Variants in SGO2 observed in about 807,000 individuals in gnomAD.
SGO2 encodes shugoshin 2, also known as shugoshin-like 2.
A neutral mutation model predicts 99.5 loss-of-function variants in SGO2; 68 were observed. The ratio of observed to expected loss-of-function variants is 0.68; its 90% confidence interval spans 0.56 to 0.84. The LOEUF is 0.84. Ranked by LOEUF, SGO2 falls within the 40% of genes least tolerant of loss-of-function variation. The pLI is 0.00. For synonymous variants in SGO2, 457 were observed against 487.1 expected (o/e 0.94, Z 0.81); for missense variants, 1,350 against 1,436.7 (o/e 0.94, Z 0.97).
At chr2:200,566,028 G>T (rs1294147959) in intron 5 of SGO2, among the ~76,000 whole-genome samples, 2 of 152,168 alleles carry the variant, frequency 1.3e-5, no homozygotes, top group Non-Finnish European at 2.9e-5. Flanking sequence ...TTAGCTCGGA[G>T]AAGTTTGTTA....
In SGO2 at chr2:200,567,573, A is replaced by G. The variant is rs191226282; in HGVS notation, c.474-2090A>G. ...CCCTGTTCATTTCTAAAATATTTCA[A>G]TCTCTAAAAGGGAATCTCATATCTA... On this transcript the variant is annotated intron_variant, in intron 5 of 8. Coordinates refer to ENST00000357799, the MANE Select transcript of SGO2 (RefSeq NM_152524.6). Among the ~76,000 whole-genome samples the G allele has an allele frequency of 9.2e-5, 14 of 152,238 alleles. No individual in the cohort carries two copies. The South Asian group carries it at 1.0e-3, about 11-fold the overall frequency.
intron 5 of SGO2, among the ~76,000 whole-genome samples, chr2:200,545,881 G>A (rs899622766): frequency 1.4e-4 from 21 of 152,280 alleles, no homozygotes; most frequent in African/African-American, 2.4e-4. Flanking sequence ...GAAATATCCC[G>A]GAGGACAGGC....
chr2:200,575,299 A>G lies in SGO2; in HGVS notation c.3632-12A>G. On this transcript the variant is annotated splice_polypyrimidine_tract_variant and intron_variant, in intron 7 of 8. Transcript: ENST00000357799. Reference sequence around the variant, plus strand: ...TTTTAAAATATTTGTGAAAAATAATATTCTTTTTCAGGTGATAGACCATTA... The same window carrying G: ...TTTTAAAATATTTGTGAAAAATAATGTTCTTTTTCAGGTGATAGACCATTA... 5 of 1,515,348 alleles carry G rather than the reference A, an allele frequency of 3.3e-6. No homozygotes were observed. The highest frequency in any genetic ancestry group is 4.5e-6 in the Non-Finnish European group (5 of 1,117,632). The allele number at this position is 1,515,348 out of a possible 1,614,324, so 93.9% of individuals were successfully genotyped here.
At position 200,557,086 on chromosome 2, in the gene SGO2, T is replaced by C. The variant is rs375312171; in HGVS notation, c.474-12577T>C. On this transcript the variant is annotated intron_variant, in intron 5 of 8. Coordinates refer to ENST00000357799, the MANE Select transcript of SGO2 (RefSeq NM_152524.6). ...CCATGAACATGTATGTGCCTAATCC[T>C]GTCACCCACAGCCATCTGCAAACAG... Among the ~76,000 whole-genome samples the C allele has an allele frequency of 1.5e-3, 232 of 152,344 alleles. 1 individual carries two copies. Among genetic ancestry groups the C allele is most frequent in the African/African-American group, 5.2e-3 (218 of 41,580 alleles).
chr2:200,535,285 A>C, intron 3 of SGO2, 114 bp downstream of exon 3: 2 of 921,250 alleles, frequency 2.2e-6, no homozygotes, highest in Non-Finnish European at 3.1e-6. Context: ...AATTATTGAA[A>C]GTCAGTATAC....
intron 2 of SGO2, among the ~76,000 whole-genome samples, chr2:200,534,174 T>G (rs376716156): frequency 1.3e-5 from 2 of 152,206 alleles, no homozygotes; most frequent in South Asian, 4.1e-4. Context: ...ACTAGACTTT[T>G]ATTCAGTGGC....
At chr2:200,549,882 C>A (rs1209622573) in intron 5 of SGO2, among the ~76,000 whole-genome samples, 1 of 152,050 alleles carries the variant, frequency 6.6e-6, no homozygotes, top group African/African-American at 2.4e-5. Flanking sequence ...AGCAACTAAG[C>A]AAGAAAACAA....
At chr2:200,579,299 T>C (rs973506587) in intron 8 of SGO2, among the ~76,000 whole-genome samples, 1 of 152,232 alleles carries the variant, frequency 6.6e-6, no homozygotes, top group Non-Finnish European at 1.5e-5. Flanking sequence ...TAGTATGATA[T>C]CATCTGAAAA....
At chr2:200,576,458 C>T (rs905566569) in intron 8 of SGO2, among the ~76,000 whole-genome samples, 1 of 152,006 alleles carries the variant, frequency 6.6e-6, no homozygotes. Context: ...CGCCTGTAGT[C>T]CCAGCTGCTC....
In SGO2 at chr2:200,583,500, A is replaced by G; in HGVS notation, c.*36A>G. On this transcript the variant is annotated 3_prime_UTR_variant, in exon 9 of 9. Coordinates refer to ENST00000357799, the MANE Select transcript of SGO2 (RefSeq NM_152524.6). ...TGGATTCTGGTTTTTCTGAATTTTC[A>G]AAGCATAAGGAATCAAAACAGAAAT... 1 of 1,572,734 alleles carries G rather than the reference A, an allele frequency of 6.4e-7. No individual in the cohort carries two copies. Among genetic ancestry groups the G allele is most frequent in the Non-Finnish European group, 8.6e-7 (1 of 1,157,778 alleles).
At chr2:200,561,564 G>T (rs931015953) in intron 5 of SGO2, among the ~76,000 whole-genome samples, 1 of 151,992 alleles carries the variant, frequency 6.6e-6, no homozygotes, top group Non-Finnish European at 1.5e-5. Context: ...AATCCTTTGG[G>T]TATATACCCA....
At chr2:200,557,217 T>A (rs974502908) in intron 5 of SGO2, among the ~76,000 whole-genome samples, 4 of 152,180 alleles carry the variant, frequency 2.6e-5, no homozygotes, top group Non-Finnish European at 5.9e-5. Context: ...ATCCCCTACA[T>A]CTCAGAAGGG....
At position 200,575,389 on chromosome 2, in the gene SGO2, A is replaced by C. The variant is rs2033618719; in HGVS notation, c.3710A>C (p.Asp1237Ala). ...NTAESENKSE[D>A]LSSERTSRRR... ...GCTGAATCTGAAAATAAGTCAGAAG[A>C]TCTATCTTCAGAACGGACAAGCAGA... is the stretch of plus-strand genomic sequence containing the variant. The change falls in exon 8 of 9, where the codon GAT becomes GCT. Residue 1237 changes from aspartate to alanine, a missense_variant. Asp to Ala is a moderately radical substitution (Grantham distance 126). Transcript: ENST00000357799. 3 of 1,607,230 alleles carry C rather than the reference A, an allele frequency of 1.9e-6. No individual in the cohort carries two copies. The highest frequency in any genetic ancestry group is 2.6e-6 in the Non-Finnish European group (3 of 1,175,522).
chr2:200,571,234 T>A lies in SGO2; in HGVS notation c.888T>A (p.Asp296Glu), dbSNP rs375627843. Residue 296 changes from aspartate (D) to glutamate (E), a missense_variant, in exon 7 of 9, where the codon GAT becomes GAA. By Grantham distance (45) the Asp-to-Glu change is conservative. Coordinates refer to ENST00000357799, the MANE Select transcript of SGO2 (RefSeq NM_152524.6). ...SADTPCATVL[D>E]KQHISSPELN... Reference sequence around the variant, plus strand: ...ACACTCCCTGTGCAACAGTTTTAGATAAACAACACATTTCAAGTCCAGAAT... The same window carrying A: ...ACACTCCCTGTGCAACAGTTTTAGAAAAACAACACATTTCAAGTCCAGAAT... 3.1e-5 allele frequency: 50 copies of A among 1,613,408 alleles called. No individual in the cohort carries two copies. Among genetic ancestry groups the A allele is most frequent in the Non-Finnish European group, 4.0e-5 (47 of 1,179,674 alleles).
At chr2:200,576,530 T>C (rs373264159) in intron 8 of SGO2, among the ~76,000 whole-genome samples, 101 of 152,216 alleles carry the variant, frequency 6.6e-4, no homozygotes, top group African/African-American at 2.3e-3. Flanking sequence ...GAGCTGAGAT[T>C]ATACCACTGC....
Position 200,571,892 on chromosome 2 carries a change from G to C in SGO2, c.1546G>C (p.Glu516Gln). ...CCAAAGTTCAGGTAAATTTCACCAG[G>C]AGAGTAAATTTGATAAGGGTCAGAA... ...LSQSSGKFHQ[E>Q]SKFDKGQNSL... The change falls in exon 7 of 9, where the codon GAG becomes CAG. Residue 516 changes from glutamate (E) to glutamine (Q), a missense_variant. Glu to Gln is a conservative substitution (Grantham distance 29). Coordinates refer to ENST00000357799, the MANE Select transcript of SGO2 (RefSeq NM_152524.6). 10 of 1,613,586 alleles carry C rather than the reference G, an allele frequency of 6.2e-6. No individual in the cohort carries two copies. The highest frequency in any genetic ancestry group is 8.5e-6 in the Non-Finnish European group (10 of 1,179,628).
chr2:200,582,538 G>C lies in SGO2; in HGVS notation c.3783-911G>C, dbSNP rs947600715. ...CCTTAGAATTCATAACCAAAATACA[G>C]CCTTTATTGCAGATTATAGCTGGAA... On this transcript the variant is annotated intron_variant, in intron 8 of 8. Transcript: ENST00000357799. Among the ~76,000 whole-genome samples the C allele has an allele frequency of 2.6e-5, 4 of 152,064 alleles. No homozygotes were observed. The South Asian group carries it at 8.3e-4, about 32-fold the overall frequency.
At chr2:200,553,262 A>G (rs533781150) in intron 5 of SGO2, among the ~76,000 whole-genome samples, 16 of 152,328 alleles carry the variant, frequency 1.1e-4, no homozygotes, top group African/African-American at 3.8e-4. Context: ...CAACAGTAAA[A>G]CAAAATAAGT....
chr2:200,530,871 A>T (rs1359360964), intron 1 of SGO2, among the ~76,000 whole-genome samples: 1 of 152,238 alleles, frequency 6.6e-6, no homozygotes, highest in Admixed American at 6.5e-5. Flanking sequence ...TCTAAGTGAA[A>T]GCCTGATTGA....
Sources: gnomAD v4.1 joint callset for allele counts (sites outside exome capture counted in the v4.1 genomes callset) on GRCh38, gnomAD v4.1.1 for gene constraint, MANE v1.5 for transcripts, NCBI Gene and HGNC (gene_info 2026-07-23, HGNC 2026-07-21) for gene names.